JAKMIP3: variants seen among roughly 807,000 people sequenced by gnomAD.
JAKMIP3 encodes Janus kinase and microtubule interacting protein 3, also known as janus kinase and microtubule-interacting protein 3.
In JAKMIP3, 58 loss-of-function variants were observed where a neutral mutation model predicts 118.5. That is an observed-to-expected ratio of 0.49 (90% CI 0.40 to 0.61). The LOEUF is 0.61. Ranked by LOEUF, JAKMIP3 falls within the 20% of genes least tolerant of loss-of-function variation. The probability of loss-of-function intolerance (pLI) is 0.00; values close to 1 mark genes in which losing one functional copy is unlikely to be tolerated. For missense variants in JAKMIP3, 950 were observed against 1,109.0 expected (o/e 0.86, Z 2.04); for synonymous variants, 486 against 451.2 (o/e 1.08, Z -0.98).
At chr10:132,164,622 T>C in intron 20 of JAKMIP3, 48 bp from the exon 21 acceptor site, 1 of 1,248,968 alleles carries the variant, frequency 8.0e-7, no homozygotes, top group Non-Finnish European at 1.2e-6. Context: ...GATTTGGGTT[T>C]CCCGAGTACT....
intron 23 of JAKMIP3, among the ~76,000 whole-genome samples, chr10:132,180,594 TGTGCGTGC>T (rs1169410062): frequency 8.1e-5 from 2 of 24,604 alleles, no homozygotes; most frequent in African/African-American, 1.8e-4. Context: ...CGCGTGTGTG[TGTGCGTGC>T]GCGTGTGTGT....
At chr10:132,051,566 T>A (rs918656368) in intron 1 of JAKMIP3, among the ~76,000 whole-genome samples, 3 of 152,216 alleles carry the variant, frequency 2.0e-5, no homozygotes, top group Non-Finnish European at 2.9e-5. Flanking sequence ...CCTATTTTTT[T>A]AATTAGGTTG....
At chr10:132,086,163 T>TG (rs1367145114) in intron 1 of JAKMIP3, among the ~76,000 whole-genome samples, 1 of 152,200 alleles carries the variant, frequency 6.6e-6, no homozygotes, top group East Asian at 1.9e-4. Flanking sequence ...TGTATTTGTG[T>TG]GGTTTTGAAG....
intron 8 of JAKMIP3, 142 bp downstream of exon 8, chr10:132,137,431 C>A: frequency 2.0e-6 from 2 of 1,020,334 alleles, no homozygotes; most frequent in Non-Finnish European, 2.9e-6. Context: ...TGTTGCAGTG[C>A]CACCTGGCCA....
chr10:132,159,380 G>GGA (rs2057580405), intron 19 of JAKMIP3, among the ~76,000 whole-genome samples: 1 of 84,318 alleles, frequency 1.2e-5, no homozygotes, highest in Non-Finnish European at 2.2e-5. Context: ...GGTTGGGGGG[G>GGA]GTCTATTCCT....
chr10:132,146,087 C>G (rs2054546454), intron 13 of JAKMIP3, among the ~76,000 whole-genome samples: 1 of 152,174 alleles, frequency 6.6e-6, no homozygotes, highest in South Asian at 2.1e-4. Flanking sequence ...GGTCCAGGCT[C>G]TCTTGGTCCC....
chr10:132,121,818 G>T (rs1441184705), intron 3 of JAKMIP3, among the ~76,000 whole-genome samples: 1 of 152,178 alleles, frequency 6.6e-6, no homozygotes, highest in Non-Finnish European at 1.5e-5. Context: ...CTCTGAGGGC[G>T]CTGCTTCTAT....
rs1330780420 is a variant in JAKMIP3, at chr10:132,168,443, C to T, written c.*513C>T. ...ACCTTCATTCAGGGGAACCTGGAGG[C>T]TCCCTGGGATGGTCCTGGGAGGGCT... On this transcript the variant is annotated 3_prime_UTR_variant, in exon 23 of 24. Coordinates refer to ENST00000684848, the MANE Select transcript of JAKMIP3 (RefSeq NM_001323087.2). 1 of 1,266,666 alleles carries T rather than the reference C, an allele frequency of 7.9e-7. No homozygotes were observed. The highest frequency in any genetic ancestry group is 1.0e-6 in the Non-Finnish European group (1 of 969,612). 78.5% of individuals were successfully genotyped at this position (1,266,666 alleles called of 1,614,324 possible). A position where few individuals can be genotyped will look rare whatever the true frequency, so the allele number is the denominator to read the frequency against.
At chr10:132,114,442 C>T (rs2047328726) in intron 2 of JAKMIP3, among the ~76,000 whole-genome samples, 1 of 152,138 alleles carries the variant, frequency 6.6e-6, no homozygotes, top group African/African-American at 2.4e-5. Context: ...CCAGGCTGGT[C>T]TTGAACTCCT....
At chr10:132,116,814 C>T (rs2047743080) in intron 2 of JAKMIP3, among the ~76,000 whole-genome samples, 1 of 144,466 alleles carries the variant, frequency 6.9e-6, no homozygotes, top group Non-Finnish European at 1.5e-5. Flanking sequence ...ATCATGGACG[C>T]TCCCCCCGAA....
In JAKMIP3 at chr10:132,151,944, G is replaced by A. The variant is rs150769489; in HGVS notation, c.2008-1014G>A. 2.5e-3 allele frequency among the ~76,000 whole-genome samples: 374 copies of A among 152,366 alleles called. 2 individuals carry two copies. Among genetic ancestry groups the A allele is most frequent in the Admixed American group, 4.1e-3 (63 of 15,308 alleles). On this transcript the variant is annotated intron_variant, in intron 16 of 23. Transcript: ENST00000684848. The stretch of plus-strand genomic sequence containing the variant: ...CAAGCCTGGCTGTGCAATCAGTGTT[G>A]ACTTCACATGCAACTTGTGGTTTAA...
chr10:132,039,225 A>G (rs1266965628), intron 1 of JAKMIP3, among the ~76,000 whole-genome samples: 1 of 152,114 alleles, frequency 6.6e-6, no homozygotes, highest in African/African-American at 2.4e-5. Flanking sequence ...ATCTCAAGTG[A>G]TCCTCCTGCC....
At chr10:132,140,862 C>A (rs1676113195) in intron 10 of JAKMIP3, among the ~76,000 whole-genome samples, 1 of 152,244 alleles carries the variant, frequency 6.6e-6, no homozygotes, top group Admixed American at 6.5e-5. Context: ...CCTTCTGCCA[C>A]TGAGCCTACG....
chr10:132,150,215 C>T (rs2055822220), intron 16 of JAKMIP3, among the ~76,000 whole-genome samples, 174 bp downstream of exon 16: 1 of 151,826 alleles, frequency 6.6e-6, no homozygotes, highest in Non-Finnish European at 1.5e-5. Flanking sequence ...TCACACTGCT[C>T]CAGGGCCCAC....
intron 19 of JAKMIP3, among the ~76,000 whole-genome samples, chr10:132,155,599 G>A (rs2056998987): frequency 6.6e-6 from 1 of 152,242 alleles, no homozygotes; most frequent in African/African-American, 2.4e-5. Context: ...AGCCATGGGA[G>A]GCTTTGGAGG....
intron 1 of JAKMIP3, among the ~76,000 whole-genome samples, chr10:132,053,211 G>A: frequency 6.6e-6 from 1 of 152,204 alleles, no homozygotes; most frequent in Non-Finnish European, 1.5e-5. Context: ...GTCATCTGCT[G>A]ATCAGTCTCT....
intron 3 of JAKMIP3, among the ~76,000 whole-genome samples, chr10:132,128,315 C>T (rs922900621): frequency 2.0e-5 from 3 of 152,142 alleles, no homozygotes; most frequent in Non-Finnish European, 4.4e-5. Context: ...TGTCTTTTTT[C>T]CTGTCTACTT....
intron 1 of JAKMIP3, among the ~76,000 whole-genome samples, chr10:132,077,106 T>C (rs2040944388): frequency 6.6e-6 from 1 of 152,190 alleles, no homozygotes; most frequent in Admixed American, 6.5e-5. Context: ...CTTCCCCAAG[T>C]GGCAGCCAAC....
intron 3 of JAKMIP3, among the ~76,000 whole-genome samples, chr10:132,124,319 C>T (rs146187181): frequency 1.5e-3 from 231 of 152,048 alleles, no homozygotes; most frequent in African/African-American, 5.3e-3. Context: ...CTGAACCAGC[C>T]GGCCGCGCCA....
Sources: allele counts gnomAD v4.1 joint callset (sites outside exome capture counted in the v4.1 genomes callset), GRCh38; gene constraint gnomAD v4.1.1; transcripts MANE v1.5; gene names NCBI Gene and HGNC (gene_info 2026-07-23, HGNC 2026-07-21).